Variants in PCDH15 observed in about 807,000 individuals in gnomAD.
The protein encoded by PCDH15 is protocadherin related 15, also known as protocadherin-15.
Under a neutral mutation model 178.5 loss-of-function variants are expected in PCDH15, and 129 were observed. That is an observed-to-expected ratio of 0.72 (90% CI 0.63 to 0.84). The LOEUF (loss-of-function observed/expected upper bound fraction) is 0.84. PCDH15 is among the 40% of genes least tolerant of loss of function. The pLI, the probability that PCDH15 is intolerant of heterozygous loss-of-function variation, is 0.00. For missense variants in PCDH15, 2,230 were observed against 2,099.9 expected (o/e 1.06, Z -1.21); for synonymous variants, 800 against 732.0 (o/e 1.09, Z -1.50).
At chr10:54,280,696 A>G (rs901867298) in intron 8 of PCDH15, among the ~76,000 whole-genome samples, 71 of 151,806 alleles carry the variant, frequency 4.7e-4, no homozygotes, top group African/African-American at 1.7e-3. Flanking sequence ...ATCTCTGTCA[A>G]TTGTTCCCTT....
At chr10:53,952,653 C>A (rs1249138798) in intron 23 of PCDH15, among the ~76,000 whole-genome samples, 1 of 152,184 alleles carries the variant, frequency 6.6e-6, no homozygotes, top group Admixed American at 6.5e-5. Context: ...TTTCACCAGA[C>A]CCATCCCTTT....
chr10:55,384,678 A>G (rs1274110492), intron 2 of PCDH15, among the ~76,000 whole-genome samples: 4 of 152,152 alleles, frequency 2.6e-5, no homozygotes, highest in Admixed American at 1.3e-4. Context: ...ATTTAAAAAT[A>G]TAAGTACTTG....
intron 28 of PCDH15, 86 bp downstream of exon 28, chr10:53,857,089 C>A: frequency 1.0e-6 from 1 of 964,018 alleles, no homozygotes; most frequent in African/African-American, 1.7e-5. Context: ...CACATGTATC[C>A]CCTGAATCTA....
chr10:55,337,704 G>T (rs186555940), intron 2 of PCDH15, among the ~76,000 whole-genome samples: 241 of 152,222 alleles, frequency 1.6e-3, no homozygotes, highest in Non-Finnish European at 2.9e-3. Flanking sequence ...AGAAAGCTCT[G>T]TTGTAGGACA....
intron 2 of PCDH15, among the ~76,000 whole-genome samples, chr10:55,537,930 T>G (rs956753047): frequency 1.3e-5 from 2 of 152,206 alleles, no homozygotes; most frequent in African/African-American, 4.8e-5. Flanking sequence ...AATTCTAGCT[T>G]TAAATATAAT....
chr10:54,470,260 G>A (rs971876731), intron 3 of PCDH15, among the ~76,000 whole-genome samples: 4 of 152,174 alleles, frequency 2.6e-5, no homozygotes, highest in Non-Finnish European at 5.9e-5. Flanking sequence ...TCAGCCCTAG[G>A]TGACAGCTAT....
intron 20 of PCDH15, among the ~76,000 whole-genome samples, chr10:53,997,584 T>C (rs1446582301): frequency 6.6e-6 from 1 of 152,202 alleles, no homozygotes; most frequent in African/African-American, 2.4e-5. Flanking sequence ...CACAAGGTAC[T>C]TTTTGGAAAA....
At chr10:54,432,636 T>C (rs1480406327) in intron 3 of PCDH15, among the ~76,000 whole-genome samples, 1 of 151,874 alleles carries the variant, frequency 6.6e-6, no homozygotes, top group Non-Finnish European at 1.5e-5. Flanking sequence ...CTACAAAAAA[T>C]TGAAGAAACT....
chr10:54,339,184 G>A (rs1941768446), intron 6 of PCDH15, among the ~76,000 whole-genome samples: 1 of 152,242 alleles, frequency 6.6e-6, no homozygotes, highest in African/African-American at 2.4e-5. Flanking sequence ...AGATTTATTT[G>A]TGATTTTTTA....
intron 8 of PCDH15, among the ~76,000 whole-genome samples, chr10:54,293,767 G>C (rs1292609847): frequency 6.6e-6 from 1 of 152,154 alleles, no homozygotes; most frequent in Non-Finnish European, 1.5e-5. Context: ...ACCACAATGA[G>C]ATACCATCTC....
chr10:54,101,547 T>C (rs539499124), intron 15 of PCDH15, among the ~76,000 whole-genome samples: 101 of 152,226 alleles, frequency 6.6e-4, no homozygotes, highest in African/African-American at 2.3e-3. Context: ...TTGATACATA[T>C]ATCAAAAAGT....
rs529671679 is a variant in PCDH15, at chr10:54,074,569, A to G, written c.2091+4762T>C. ...TGATATTTCATTATATGTATATACC[A>G]CATTTTGTTTATATATTACTCTACA... On this transcript the variant is annotated intron_variant, in intron 17 of 37. Transcript: ENST00000644397. Among the ~76,000 whole-genome samples the G allele has an allele frequency of 4.2e-4, 64 of 152,308 alleles. 1 individual carries two copies. In the Middle Eastern group the frequency reaches 0.02, roughly 49 times the overall value.
At chr10:55,519,560 C>T (rs1020900645) in intron 2 of PCDH15, among the ~76,000 whole-genome samples, 12 of 151,844 alleles carry the variant, frequency 7.9e-5, no homozygotes, top group South Asian at 2.1e-4. Flanking sequence ...GTTACTATGG[C>T]GAAAACTGAG....
chr10:55,127,077 T>C (rs1421764693), intron 2 of PCDH15, among the ~76,000 whole-genome samples: 2 of 152,086 alleles, frequency 1.3e-5, no homozygotes, highest in Admixed American at 6.6e-5. Context: ...CTTAGCTACT[T>C]TCTGACTCTG....
At chr10:54,317,053 T>C (rs1037977570) in intron 8 of PCDH15, among the ~76,000 whole-genome samples, 2 of 152,224 alleles carry the variant, frequency 1.3e-5, no homozygotes, top group Non-Finnish European at 2.9e-5. Flanking sequence ...TGTTGGACTG[T>C]TGTTTCATAA....
At chr10:55,156,190 C>A (rs1175655836) in intron 2 of PCDH15, among the ~76,000 whole-genome samples, 1 of 152,022 alleles carries the variant, frequency 6.6e-6, no homozygotes, top group Non-Finnish European at 1.5e-5. Context: ...CTAAAATATA[C>A]CAATGAAGCA....
chr10:54,078,299 T>C (rs1057126334), intron 17 of PCDH15, among the ~76,000 whole-genome samples: 2 of 152,036 alleles, frequency 1.3e-5, no homozygotes, highest in African/African-American at 4.8e-5. Context: ...CACTTTTAGT[T>C]AAGATGAGAA....
chr10:54,626,101 T>C (rs186386770), intron 2 of PCDH15, among the ~76,000 whole-genome samples: 2 of 152,268 alleles, frequency 1.3e-5, no homozygotes, highest in East Asian at 1.9e-4. Flanking sequence ...TTTAGGGATA[T>C]GTGGCAAAAT....
chr10:54,964,016 T>A (rs1035208434), intron 2 of PCDH15, among the ~76,000 whole-genome samples: 46 of 151,972 alleles, frequency 3.0e-4, no homozygotes, highest in African/African-American at 1.1e-3. Flanking sequence ...TAGGGACAGG[T>A]AAGGAAGAGG....
Sources: allele counts gnomAD v4.1 joint callset (sites outside exome capture counted in the v4.1 genomes callset), GRCh38; gene constraint gnomAD v4.1.1; transcripts MANE v1.5; gene names NCBI Gene and HGNC (gene_info 2026-07-23, HGNC 2026-07-21).